The following ADAMTS17 variants were observed in gnomAD, a reference collection of about 807,000 sequenced individuals.
ADAMTS17 encodes ADAM metallopeptidase with thrombospondin type 1 motif 17.
Under a neutral mutation model 141.5 loss-of-function variants are expected in ADAMTS17, and 113 were observed. The ratio of observed to expected loss-of-function variants is 0.80; its 90% CI spans 0.69 to 0.93. ADAMTS17 has a LOEUF of 0.93. Ranked by LOEUF, ADAMTS17 falls within the 40% of genes least tolerant of loss-of-function variation. ADAMTS17 has a pLI of 0.00. For synonymous variants in ADAMTS17, 768 were observed against 630.6 expected, an observed-to-expected ratio of 1.22 and a Z score of -3.27; for missense variants, 1,659 against 1,517.9, an observed-to-expected ratio of 1.09 and a Z score of -1.54.
intron 20 of ADAMTS17, among the ~76,000 whole-genome samples, chr15:99,987,006 A>G (rs190339715): frequency 1.4e-3 from 206 of 152,332 alleles, no homozygotes; most frequent in African/African-American, 4.7e-3. Context: ...GGCCAAGGTC[A>G]GGATGAGGGC....
chr15:100,131,876 G>A, intron 12 of ADAMTS17, 131 bp downstream of exon 12: 1 of 1,406,164 alleles, frequency 7.1e-7, no homozygotes, highest in Non-Finnish European at 9.8e-7. Context: ...CCTGGACCTT[G>A]GCTGGGTTTC....
intron 7 of ADAMTS17, among the ~76,000 whole-genome samples, chr15:100,211,850 G>A (rs2041820204): frequency 6.6e-6 from 1 of 152,114 alleles, no homozygotes; most frequent in Non-Finnish European, 1.5e-5. Context: ...AACCGGCAAG[G>A]TTATCACAAT....
At chr15:99,986,949 C>T (rs143672995) in intron 20 of ADAMTS17, among the ~76,000 whole-genome samples, 1 of 152,260 alleles carries the variant, frequency 6.6e-6, no homozygotes, top group East Asian at 1.9e-4. Flanking sequence ...GAGATGGGAA[C>T]GTGATGTGTG....
At chr15:100,153,944 G>T (rs1373563483) in intron 9 of ADAMTS17, among the ~76,000 whole-genome samples, 1 of 152,224 alleles carries the variant, frequency 6.6e-6, no homozygotes, top group African/African-American at 2.4e-5. Context: ...ACTTTGGGAG[G>T]CCGAGGCAGG....
Position 100,003,491 on chromosome 15 carries a change from G to C in ADAMTS17, c.2592-5902C>G, listed in dbSNP as rs974295806. Among the ~76,000 whole-genome samples, 24 of 152,184 alleles carry C rather than the reference G, an allele frequency of 1.6e-4. 1 individual carries two copies. The highest frequency in any genetic ancestry group is 5.8e-4 in the African/African-American group (24 of 41,450). Reference sequence around the variant, plus strand: ...AGGCCACTGTATCCTGTTTTACTCAGTTTTAAACTCTATCATCCAGTGTTA... The same window carrying C: ...AGGCCACTGTATCCTGTTTTACTCACTTTTAAACTCTATCATCCAGTGTTA... On this transcript the variant is annotated intron_variant, in intron 18 of 21. Coordinates refer to ENST00000268070, the MANE Select transcript of ADAMTS17 (RefSeq NM_139057.4).
intron 8 of ADAMTS17, among the ~76,000 whole-genome samples, chr15:100,195,243 C>T (rs1172967155): frequency 6.6e-6 from 1 of 152,218 alleles, no homozygotes; most frequent in African/African-American, 2.4e-5. Context: ...CACACAGCAC[C>T]TGCACCAGGA....
intron 4 of ADAMTS17, among the ~76,000 whole-genome samples, chr15:100,275,041 C>T (rs2044032730): frequency 6.6e-6 from 1 of 152,020 alleles, no homozygotes; most frequent in Admixed American, 6.5e-5. Context: ...TGAGGACTAC[C>T]CAGGAAAGAG....
chr15:100,012,737 A>G (rs545528217), intron 18 of ADAMTS17, among the ~76,000 whole-genome samples: 1 of 152,256 alleles, frequency 6.6e-6, no homozygotes, highest in South Asian at 2.1e-4. Flanking sequence ...TGTTCCATTG[A>G]TCTATGTGCC....
At chr15:100,327,109 T>C (rs534987593) in intron 3 of ADAMTS17, among the ~76,000 whole-genome samples, 219 of 152,186 alleles carry the variant, frequency 1.4e-3, no homozygotes, top group South Asian at 2.7e-3. Context: ...CAGTAGGGTA[T>C]AAATAACTCC....
At chr15:100,319,659 A>G (rs2045671136) in intron 3 of ADAMTS17, among the ~76,000 whole-genome samples, 1 of 152,284 alleles carries the variant, frequency 6.6e-6, no homozygotes, top group East Asian at 1.9e-4. Flanking sequence ...ACAGTGAGTC[A>G]AGACCGTACC....
chr15:100,046,375 G>A (rs1363227162), intron 18 of ADAMTS17, among the ~76,000 whole-genome samples: 1 of 152,110 alleles, frequency 6.6e-6, no homozygotes, highest in Non-Finnish European at 1.5e-5. Flanking sequence ...GAGTAGACTG[G>A]CCCACTCTGC....
Position 99,985,354 on chromosome 15 carries a change from C to A in ADAMTS17, c.2949+7694G>T, listed in dbSNP as rs571998071. On this transcript the variant is annotated intron_variant, in intron 20 of 21. Transcript: ENST00000268070. ...CAGTTTCATGTGTCCCAGAAAAGGGCCCCAGGGTCCCCAGTGCCTTGTGCA... is the reference window on the plus strand; with the variant it reads ...CAGTTTCATGTGTCCCAGAAAAGGGACCCAGGGTCCCCAGTGCCTTGTGCA... 2.6e-5 allele frequency among the ~76,000 whole-genome samples: 4 copies of A among 152,316 alleles called. No homozygotes were observed. The East Asian group carries it at 7.7e-4, about 29-fold the overall frequency.
intron 16 of ADAMTS17, among the ~76,000 whole-genome samples, chr15:100,053,519 T>C (rs2032307698): frequency 6.6e-6 from 1 of 152,182 alleles, no homozygotes; most frequent in Non-Finnish European, 1.5e-5. Context: ...TGCAGGCAGA[T>C]CTATGCATCT....
intron 9 of ADAMTS17, 110 bp from the exon 10 acceptor site, chr15:100,152,872 CGTTCCTTATG>C: frequency 7.5e-7 from 1 of 1,330,312 alleles, no homozygotes; most frequent in South Asian, 1.3e-5. Context: ...GGCACCTCCA[CGTTCCTTATG>C]GAAAAAGGAC....
intron 3 of ADAMTS17, among the ~76,000 whole-genome samples, chr15:100,287,985 G>A (rs547083343): frequency 3.7e-4 from 57 of 152,284 alleles, no homozygotes; most frequent in Non-Finnish European, 7.5e-4. Flanking sequence ...GCAACATGAT[G>A]ACAGGAAGAA....
rs2060325509 is a variant in ADAMTS17 at position 99,976,241 on chromosome 15, C to T, written c.2950-19G>A. On this transcript the variant is annotated intron_variant, in intron 20 of 21. Coordinates refer to ENST00000268070, the MANE Select transcript of ADAMTS17 (RefSeq NM_139057.4). ...ACGAGCACTGCAGAGACAGGACAGC[C>T]TGAGTGGGGCTGACATGAGGTCAAG... 2.6e-6 allele frequency: 4 copies of T among 1,540,032 alleles called. No individual in the cohort carries two copies. The South Asian group carries it at 3.6e-5, about 14-fold the overall frequency.
At chr15:100,082,348 G>A (rs556346874) in intron 15 of ADAMTS17, among the ~76,000 whole-genome samples, 7 of 151,126 alleles carry the variant, frequency 4.6e-5, no homozygotes, top group African/African-American at 1.7e-4. Context: ...ACAGGCGTGA[G>A]CCACCGTGCC....
chr15:100,005,910 TG>T (rs1489641547), intron 18 of ADAMTS17, among the ~76,000 whole-genome samples: 1 of 152,102 alleles, frequency 6.6e-6, no homozygotes, highest in African/African-American at 2.4e-5. Flanking sequence ...TGGTGGCGGC[TG>T]GGAAGCCTTG....
intron 8 of ADAMTS17, among the ~76,000 whole-genome samples, chr15:100,171,313 G>T (rs2040151466): frequency 6.6e-6 from 1 of 152,186 alleles, no homozygotes; most frequent in African/African-American, 2.4e-5. Context: ...CAAATGCCAT[G>T]AGGGGCTTTA....
Sources: allele counts gnomAD v4.1 joint callset (sites outside exome capture counted in the v4.1 genomes callset), GRCh38; gene constraint gnomAD v4.1.1; transcripts MANE v1.5; gene names NCBI Gene and HGNC (gene_info 2026-07-23, HGNC 2026-07-21).